Variants in HEATR3 observed in about 807,000 individuals in gnomAD.
The protein encoded by HEATR3 is HEAT repeat-containing protein 3.
In HEATR3, 56 loss-of-function variants were observed where a neutral mutation model predicts 72.8. That is an observed-to-expected ratio of 0.77 (90% CI 0.62 to 0.96). The LOEUF (loss-of-function observed/expected upper bound fraction) is 0.96, where lower values mean the gene tolerates loss of function less well. HEATR3 is among the 40% of genes least tolerant of loss of function. The probability of loss-of-function intolerance (pLI) is 0.00; values close to 1 mark genes in which losing one functional copy is unlikely to be tolerated. For missense variants in HEATR3, 747 were observed against 831.4 expected (o/e 0.90, Z 1.25); for synonymous variants, 331 against 318.1 (o/e 1.04, Z -0.43).
At chr16:50,066,782 T>G in intron 2 of HEATR3, 1 of 388,380 alleles carries the variant, frequency 2.6e-6, no homozygotes, top group African/African-American at 2.1e-5. Flanking sequence ...CCCTCACGCC[T>G]TGCGCACGTT....
At chr16:50,083,819 C>G (rs901042574) in intron 7 of HEATR3, 118 bp from the exon 8 acceptor site, 2 of 766,140 alleles carry the variant, frequency 2.6e-6, no homozygotes, top group South Asian at 3.6e-5. Flanking sequence ...TACCCCATTC[C>G]CCGTGTGCTC....
At chr16:50,074,704 T>C (rs12932038) in intron 5 of HEATR3, 103,608 of 151,728 alleles carry the variant, frequency 0.68, 35,650 homozygotes, top group Admixed American at 0.72. Context: ...CTTTTTAGGC[T>C]GGGCGTGGTA....
chr16:50,093,327 T>C (rs2037160838), intron 11 of HEATR3, among the ~76,000 whole-genome samples: 1 of 152,198 alleles, frequency 6.6e-6, no homozygotes, highest in Non-Finnish European at 1.5e-5. Context: ...TCATTTATTA[T>C]TTCTCGAAGT....
At chr16:50,103,807 C>G (rs570773615) in intron 14 of HEATR3, among the ~76,000 whole-genome samples, 27 of 152,292 alleles carry the variant, frequency 1.8e-4, no homozygotes, top group Admixed American at 1.6e-3. Context: ...GGGAGGATCA[C>G]TCGAGTCCAG....
At position 50,070,286 on chromosome 16, in the gene HEATR3, A is replaced by G. The variant is rs1567424799; in HGVS notation, c.508A>G (p.Ile170Val). 2 of 1,493,522 alleles carry G rather than the reference A, an allele frequency of 1.3e-6. No individual in the cohort carries two copies. The highest frequency in any genetic ancestry group is 1.7e-4 in the Middle Eastern group (1 of 5,844). 92.5% of individuals were successfully genotyped at this position (1,493,522 alleles called of 1,614,324 possible). ...ANETVNVLWN[I>V]CECSSRAVSI... ...TGAGACTGTGAACGTGCTGTGGAAT[A>G]TATGGTAAGATGCCTACCAAACACA... Residue 170 changes from isoleucine (I) to valine (V), a missense_variant, in exon 4 of 15, where the codon ATA (isoleucine) becomes GTA (valine). Physicochemically the swap from Ile to Val is conservative, Grantham distance 29. Around this residue, in one of 2 missense-constraint regions of HEATR3, gnomAD observed 586 missense variants for 708.8 expected, o/e 0.83. Transcript: ENST00000299192.
intron 10 of HEATR3, 73 bp from the exon 11 acceptor site, chr16:50,086,142 G>A: frequency 4.3e-6 from 6 of 1,395,666 alleles, no homozygotes; most frequent in South Asian, 4.2e-5. Flanking sequence ...TGAAGCTTAG[G>A]CTAAAAGTTA....
At chr16:50,103,458 C>T (rs982713277) in intron 14 of HEATR3, among the ~76,000 whole-genome samples, 3 of 152,222 alleles carry the variant, frequency 2.0e-5, no homozygotes, top group Non-Finnish European at 2.9e-5. Flanking sequence ...TATTTAGCTG[C>T]AAAATGCATT....
intron 11 of HEATR3, among the ~76,000 whole-genome samples, chr16:50,093,445 C>A (rs1320193023): frequency 6.6e-6 from 1 of 152,212 alleles, no homozygotes; most frequent in African/African-American, 2.4e-5. Context: ...CCTCCCACCT[C>A]CCACCTGGGG....
Position 50,084,643 on chromosome 16 carries a change from G to C in HEATR3, c.1365G>C (p.Leu455Phe). The change falls in exon 10 of 15, where the codon TTG becomes TTC. Residue 455 changes from leucine (L) to phenylalanine (F), a missense_variant. Physicochemically the swap from Leu to Phe is conservative, Grantham distance 22. This residue lies in a region of HEATR3 where 586 missense variants were observed against 708.8 expected (regional missense o/e 0.83). Coordinates refer to ENST00000299192, the MANE Select transcript of HEATR3 (RefSeq NM_182922.4). ...CTAGGAACCCTACTTGGAAACCTTT[G>C]ATTAGAAAGTAAGAACTCTTCTGCT... is the stretch of plus-strand genomic sequence containing the variant. Reference protein sequence around the residue: ...LCSRNPTWKPLIRKMNTIQCR... With the variant: ...LCSRNPTWKPFIRKMNTIQCR... 6.2e-7 allele frequency: 1 copy of C among 1,600,020 alleles called. No individual in the cohort carries two copies. Among genetic ancestry groups the C allele is most frequent in the Non-Finnish European group, 8.6e-7 (1 of 1,169,222 alleles).
intron 7 of HEATR3, among the ~76,000 whole-genome samples, chr16:50,079,225 G>A (rs991786072): frequency 6.6e-5 from 10 of 152,192 alleles, no homozygotes; most frequent in South Asian, 2.1e-4. Context: ...AAAGTGAATC[G>A]TTTTATATGC....
rs2036704818 is a variant in HEATR3, at chr16:50,075,490, GT to G, written c.623-77del. 17 of 1,300,866 alleles carry G rather than the reference GT, an allele frequency of 1.3e-5. 1 individual carries two copies. The highest frequency in any genetic ancestry group is 1.9e-5 in the Non-Finnish European group (17 of 917,072). 80.6% of individuals were successfully genotyped at this position (1,300,866 alleles called of 1,614,324 possible). A position where few individuals can be genotyped will look rare whatever the true frequency, so the allele number is the denominator to read the frequency against. ...TCTAATGAAGTGGTAATGATACAAT[GT>G]TTTATTGATGAGTTATACTGGTGTA... is the stretch of plus-strand genomic sequence containing the variant. On this transcript the variant is annotated intron_variant, in intron 5 of 14. Transcript: ENST00000299192.
At chr16:50,072,544 TG>T in intron 4 of HEATR3, 60 bp from the exon 5 acceptor site, 1 of 1,049,740 alleles carries the variant, frequency 9.5e-7, no homozygotes, top group Non-Finnish European at 1.5e-6. Flanking sequence ...TGGATTGCTA[TG>T]GTTGATTTCC....
chr16:50,097,858 T>G (rs1356881101), intron 12 of HEATR3, among the ~76,000 whole-genome samples: 1 of 147,702 alleles, frequency 6.8e-6, no homozygotes, highest in Non-Finnish European at 1.5e-5. Flanking sequence ...GAGGTTGCAG[T>G]GAGCCAAGAT....
Position 50,083,920 on chromosome 16 carries a change from T to C in HEATR3, c.1042-17T>C, listed in dbSNP as rs1476576061. ...ACCATTGAGAGTTGGTCATTTACTTTTTTTTTTTTTTTTAAGCCCACTGAC... is the reference window on the plus strand; with the variant it reads ...ACCATTGAGAGTTGGTCATTTACTTCTTTTTTTTTTTTTAAGCCCACTGAC... On this transcript the variant is annotated splice_polypyrimidine_tract_variant and intron_variant, in intron 7 of 14. Transcript: ENST00000299192. 11 of 935,752 alleles carry C rather than the reference T, an allele frequency of 1.2e-5. No individual in the cohort carries two copies. The highest frequency in any genetic ancestry group is 1.6e-5 in the Non-Finnish European group (11 of 690,998). The allele number at this position is 935,752 out of a possible 1,614,324, so 58.0% of individuals were successfully genotyped here.
chr16:50,092,661 C>G (rs750250078), intron 11 of HEATR3, among the ~76,000 whole-genome samples: 50 of 151,814 alleles, frequency 3.3e-4, no homozygotes, highest in Non-Finnish European at 7.1e-4. Flanking sequence ...CAGGGATGGT[C>G]TTGATCTCCT....
At chr16:50,076,479 C>T (rs760611250) in intron 6 of HEATR3, among the ~76,000 whole-genome samples, 3 of 152,082 alleles carry the variant, frequency 2.0e-5, no homozygotes, top group Non-Finnish European at 4.4e-5. Context: ...TGAGCCACTG[C>T]GCCTGGCCTG....
rs369005290 is a variant in HEATR3 at position 50,075,604 on chromosome 16, C to T, written c.656C>T (p.Pro219Leu). 2.5e-6 allele frequency: 4 copies of T among 1,613,550 alleles called. No individual in the cohort carries two copies. Among genetic ancestry groups the T allele is most frequent in the African/African-American group, 2.7e-5 (2 of 74,908 alleles). ...YCLQTVTEDN[P>L]ELLKSFSATA... The stretch of plus-strand genomic sequence containing the variant: ...TTGCAGACAGTGACTGAGGATAACC[C>T]AGAGCTGCTGAAGTCTTTCAGTGCT... The change falls in exon 6 of 15, where the codon CCA (proline) becomes CTA (leucine). Residue 219 changes from proline to leucine, a missense_variant. This residue lies in a region of HEATR3 where 586 missense variants were observed against 708.8 expected (regional missense o/e 0.83). Transcript: ENST00000299192.
rs991693912 is a variant in HEATR3 at position 50,102,257 on chromosome 16, A to G, written c.1744-2A>G. 6.2e-7 allele frequency: 1 copy of G among 1,609,002 alleles called. No homozygotes were observed. Among genetic ancestry groups the G allele is most frequent in the Non-Finnish European group, 8.5e-7 (1 of 1,178,540 alleles). On this transcript the variant is annotated splice_acceptor_variant, in intron 13 of 14. Transcript: ENST00000299192. LOFTEE classifies it high-confidence loss of function. ...ATACTAAATGTGTTTTGTTGTTTCC[A>G]GAACATTGGGTGCTTTCTGCTTGAA...
In HEATR3 at chr16:50,084,038, AT is replaced by A. The variant is rs1555502310; in HGVS notation, c.1132+14del. On this transcript the variant is annotated intron_variant, in intron 8 of 14. Coordinates refer to ENST00000299192, the MANE Select transcript of HEATR3 (RefSeq NM_182922.4). ...TGTGCTGCAATGAAGGTTTGTTAAC[AT>A]TTACATTTAGACATTTTCCCCCTGA... is the stretch of plus-strand genomic sequence containing the variant. 6.2e-7 allele frequency: 1 copy of A among 1,613,606 alleles called. No individual in the cohort carries two copies. Among genetic ancestry groups the A allele is most frequent in the Non-Finnish European group, 8.5e-7 (1 of 1,179,888 alleles).
Sources: gnomAD v4.1 joint callset for allele counts (sites outside exome capture counted in the v4.1 genomes callset) on GRCh38, gnomAD v4.1.1 for gene constraint, gnomAD v4.1.1 regional missense constraint, MANE v1.5 for transcripts, NCBI Gene and HGNC (gene_info 2026-07-23, HGNC 2026-07-21) for gene names.